Variants in ROBO1 observed in about 807,000 individuals in gnomAD.
ROBO1 encodes roundabout homolog 1.
A neutral mutation model predicts 195.9 loss-of-function variants in ROBO1; 149 were observed. The ratio of observed to expected loss-of-function variants is 0.76; its 90% CI spans 0.67 to 0.87. The LOEUF is 0.87. Among genes scored for constraint, ROBO1 ranks in the 40% least tolerant of loss-of-function variants. ROBO1 has a pLI of 0.00. For synonymous variants in ROBO1, 816 were observed against 733.2 expected (o/e 1.11, Z -1.82); for missense variants, 1,933 against 2,068.3 (o/e 0.93, Z 1.27).
intron 3 of ROBO1, chr3:79,019,116 G>A (rs2078038491): frequency 5.1e-6 from 5 of 986,414 alleles, no homozygotes; most frequent in African/African-American, 1.7e-5. Context: ...GGGGGATGCG[G>A]AGGGTACTGG....
chr3:78,755,489 C>CA (rs966858891), intron 4 of ROBO1, among the ~76,000 whole-genome samples: 2 of 151,712 alleles, frequency 1.3e-5, no homozygotes, highest in African/African-American at 4.8e-5. Flanking sequence ...AATAAACAAA[C>CA]AAAAAAGGAA....
In ROBO1 at chr3:79,408,638, A is replaced by T. The variant is rs559746905; in HGVS notation, c.88+181186T>A. ...CTTGTCTTTGAATCATACTACATAT[A>T]AATCTGTACAGCCTGTCTTTTCCCA... is the stretch of plus-strand genomic sequence containing the variant. On this transcript the variant is annotated intron_variant, in intron 2 of 30. Coordinates refer to ENST00000464233, the MANE Select transcript of ROBO1 (RefSeq NM_002941.4). Among the ~76,000 whole-genome samples the T allele has an allele frequency of 2.6e-5, 4 of 152,240 alleles. No individual in the cohort carries two copies. The East Asian group carries it at 7.7e-4, about 29-fold the overall frequency.
chr3:78,719,665 C>T (rs918100283), intron 5 of ROBO1, among the ~76,000 whole-genome samples: 4 of 152,088 alleles, frequency 2.6e-5, no homozygotes, highest in African/African-American at 9.7e-5. Flanking sequence ...TACACAGATC[C>T]TCAGCATCAA....
At chr3:79,250,772 A>G (rs2082713959) in intron 2 of ROBO1, among the ~76,000 whole-genome samples, 1 of 152,156 alleles carries the variant, frequency 6.6e-6, no homozygotes, top group African/African-American at 2.4e-5. Context: ...AAATGAAATG[A>G]GGGCCAGGCG....
chr3:79,716,333 T>C (rs1347982336), intron 1 of ROBO1, among the ~76,000 whole-genome samples: 1 of 152,000 alleles, frequency 6.6e-6, no homozygotes, highest in Non-Finnish European at 1.5e-5. Flanking sequence ...AATAGATGCA[T>C]TATGAAATAC....
At position 78,954,695 on chromosome 3, in the gene ROBO1, T is replaced by C. The variant is rs916340041; in HGVS notation, c.173-15768A>G. On this transcript the variant is annotated intron_variant, in intron 3 of 30. Transcript: ENST00000464233. ...GTTTTCTTTATATTAGAACAAATTA[T>C]ATGGTACTGCAATCAATGTGAATCT... is the stretch of plus-strand genomic sequence containing the variant. 6.6e-5 allele frequency among the ~76,000 whole-genome samples: 10 copies of C among 151,828 alleles called. 1 individual carries two copies. The highest frequency in any genetic ancestry group is 2.9e-5 in the Non-Finnish European group (2 of 67,938).
intron 2 of ROBO1, among the ~76,000 whole-genome samples, chr3:79,199,964 T>C (rs1001733186): frequency 1.3e-5 from 2 of 151,678 alleles, no homozygotes; most frequent in Non-Finnish European, 2.9e-5. Flanking sequence ...TTATTCTGAC[T>C]ATAAGGATGG....
At chr3:78,716,602 C>G (rs1214625366) in intron 7 of ROBO1, among the ~76,000 whole-genome samples, 4 of 152,148 alleles carry the variant, frequency 2.6e-5, no homozygotes, top group African/African-American at 9.7e-5. Flanking sequence ...TATTGTTATT[C>G]TGTATCTATC....
At chr3:79,484,936 T>A (rs1370102249) in intron 2 of ROBO1, among the ~76,000 whole-genome samples, 1 of 151,630 alleles carries the variant, frequency 6.6e-6, no homozygotes, top group Non-Finnish European at 1.5e-5. Context: ...GTATTTTTAG[T>A]AGAGATGGGG....
At chr3:79,378,067 C>T (rs549622743) in intron 2 of ROBO1, among the ~76,000 whole-genome samples, 1 of 151,934 alleles carries the variant, frequency 6.6e-6, no homozygotes, top group East Asian at 1.9e-4. Context: ...TATATATATA[C>T]TCAATATTTT....
intron 2 of ROBO1, among the ~76,000 whole-genome samples, chr3:79,245,112 T>C (rs574660707): frequency 3.9e-5 from 6 of 152,222 alleles, no homozygotes; most frequent in African/African-American, 1.4e-4. Flanking sequence ...TTTATGTGTA[T>C]ATATTTTAAA....
At chr3:78,856,767 T>C (rs2034469835) in intron 4 of ROBO1, among the ~76,000 whole-genome samples, 1 of 151,518 alleles carries the variant, frequency 6.6e-6, no homozygotes, top group Admixed American at 6.6e-5. Context: ...TATAACACTG[T>C]TCAATGTTTT....
intron 4 of ROBO1, among the ~76,000 whole-genome samples, chr3:78,910,754 T>C (rs1455347032): frequency 2.8e-5 from 4 of 144,998 alleles, no homozygotes; most frequent in Non-Finnish European, 1.5e-5. Flanking sequence ...GGGTACAACA[T>C]TCTCTCCATT....
At position 79,679,842 on chromosome 3, in the gene ROBO1, C is replaced by T. The variant is rs371528488; in HGVS notation, c.-51+87910G>A. Among the ~76,000 whole-genome samples the T allele has an allele frequency of 4.0e-5, 6 of 151,882 alleles. No homozygotes were observed. In the East Asian group the frequency reaches 7.8e-4, roughly 20 times the overall value. ...ACATAGACTACAGGCTTTATGAGAA[C>T]AATCCATTAGTAAAGGAAGGTAACA... is the stretch of plus-strand genomic sequence containing the variant. On this transcript the variant is annotated intron_variant, in intron 1 of 30. Coordinates refer to ENST00000464233, the MANE Select transcript of ROBO1 (RefSeq NM_002941.4).
chr3:79,762,266 G>C (rs531166458), intron 1 of ROBO1, among the ~76,000 whole-genome samples: 2 of 152,046 alleles, frequency 1.3e-5, no homozygotes, highest in South Asian at 4.1e-4. Context: ...AGGGGCAAGA[G>C]AGCTTACTCA....
At chr3:79,668,625 T>C (rs1946540927) in intron 1 of ROBO1, among the ~76,000 whole-genome samples, 1 of 151,280 alleles carries the variant, frequency 6.6e-6, no homozygotes, top group Non-Finnish European at 1.5e-5. Flanking sequence ...CAAAAACAAA[T>C]AAACATAGAA....
At chr3:78,791,040 G>A (rs1054081719) in intron 4 of ROBO1, among the ~76,000 whole-genome samples, 3 of 152,178 alleles carry the variant, frequency 2.0e-5, no homozygotes, top group Admixed American at 6.5e-5. Flanking sequence ...TAGAGCTAGC[G>A]AGAGGATGGA....
At chr3:79,454,724 T>G (rs991207512) in intron 2 of ROBO1, among the ~76,000 whole-genome samples, 1 of 152,186 alleles carries the variant, frequency 6.6e-6, no homozygotes, top group Non-Finnish European at 1.5e-5. Context: ...CTCTTTTTTT[T>G]GTTTCAAATT....
chr3:78,667,921 C>CT lies in ROBO1; in HGVS notation c.1927dup (p.Ser643LysfsTer2). 1 of 1,613,736 alleles carries CT rather than the reference C, an allele frequency of 6.2e-7. No homozygotes were observed. Among genetic ancestry groups the CT allele is most frequent in the Non-Finnish European group, 8.5e-7 (1 of 1,179,744 alleles). ...TGGATCTGATATTTGGCTTGGATCA[C>CT]TAATTCCATATGCATTAGCTGCCCT... On this transcript the variant is annotated frameshift_variant, in exon 14 of 31. Transcript: ENST00000464233. LOFTEE classifies it high-confidence loss of function.
Sources: allele counts gnomAD v4.1 joint callset (sites outside exome capture counted in the v4.1 genomes callset), GRCh38; gene constraint gnomAD v4.1.1; transcripts MANE v1.5; gene names NCBI Gene and HGNC (gene_info 2026-07-23, HGNC 2026-07-21).